Variants in LRRC4C observed in about 807,000 individuals in gnomAD.
LRRC4C encodes leucine-rich repeat-containing protein 4C.
LRRC4C carries 5 observed loss-of-function variants against 33.6 expected under a neutral mutation model. The ratio of observed to expected loss-of-function variants is 0.15; its 90% CI spans 0.08 to 0.31. The LOEUF (loss-of-function observed/expected upper bound fraction) is 0.31. LRRC4C is among the 10% of genes least tolerant of loss of function. The probability of loss-of-function intolerance (pLI) is 1.00; values close to 1 mark genes in which losing one functional copy is unlikely to be tolerated. For synonymous variants in LRRC4C, 329 were observed against 302.0 expected (o/e 1.09, Z -0.93); for missense variants, 560 against 796.7 (o/e 0.70, Z 3.58).
chr11:40,196,445 C>T (rs142159965), intron 5 of LRRC4C, among the ~76,000 whole-genome samples: 96 of 152,312 alleles, frequency 6.3e-4, no homozygotes, highest in African/African-American at 2.3e-3. Context: ...GCAAGTCTGC[C>T]CATGACTTGA....
At chr11:41,445,794 C>CT (rs1037433866) in intron 1 of LRRC4C, among the ~76,000 whole-genome samples, 2 of 151,218 alleles carry the variant, frequency 1.3e-5, no homozygotes, top group Admixed American at 6.6e-5. Flanking sequence ...AAAAAAAGAA[C>CT]TTTTTTTCTT....
At chr11:40,543,446 C>A (rs1565489699) in intron 3 of LRRC4C, among the ~76,000 whole-genome samples, 1 of 151,980 alleles carries the variant, frequency 6.6e-6, no homozygotes, top group Non-Finnish European at 1.5e-5. Context: ...TATTATAATT[C>A]TTGTGTTTGC....
intron 3 of LRRC4C, among the ~76,000 whole-genome samples, chr11:40,436,705 C>T (rs532995341): frequency 1.2e-4 from 19 of 152,258 alleles, no homozygotes; most frequent in African/African-American, 3.6e-4. Flanking sequence ...CTGCCAGAAG[C>T]GGCCCGAAAC....
chr11:40,775,048 C>T (rs1291267603), intron 2 of LRRC4C, among the ~76,000 whole-genome samples: 1 of 150,716 alleles, frequency 6.6e-6, no homozygotes, highest in African/African-American at 2.4e-5. Flanking sequence ...AATAAAAAAT[C>T]CAGTTTCATT....
intron 1 of LRRC4C, among the ~76,000 whole-genome samples, chr11:41,391,270 G>GA (rs534235908): frequency 1.1e-3 from 167 of 151,802 alleles, no homozygotes; most frequent in African/African-American, 3.9e-3. Context: ...AACTCAAGAA[G>GA]AAAAAAATAG....
At chr11:40,321,372 T>C (rs374514916) in intron 3 of LRRC4C, among the ~76,000 whole-genome samples, 19 of 152,318 alleles carry the variant, frequency 1.2e-4, no homozygotes, top group African/African-American at 3.8e-4. Context: ...GCTACTATTA[T>C]TAGAATAAAA....
intron 2 of LRRC4C, among the ~76,000 whole-genome samples, chr11:40,684,897 A>T (rs1009278564): frequency 1.3e-5 from 2 of 152,046 alleles, no homozygotes; most frequent in African/African-American, 4.8e-5. Context: ...ACAAAGTTAG[A>T]TAATTTGTAA....
chr11:40,523,690 C>T (rs1220967168), intron 3 of LRRC4C, among the ~76,000 whole-genome samples: 2 of 151,660 alleles, frequency 1.3e-5, no homozygotes. Flanking sequence ...CTTCACTCTC[C>T]AATGGGAAAA....
rs377611950 is a variant in LRRC4C, at chr11:40,125,899, AT to A, written c.-42-9566del. ...CCTAATATAGATCATTTATTTTCCCATTTTTAACCCAATCTTGCAAATCTTG... is the reference window on the plus strand; with the variant it reads ...CCTAATATAGATCATTTATTTTCCCATTTTAACCCAATCTTGCAAATCTTG... On this transcript the variant is annotated intron_variant, in intron 6 of 6. Coordinates refer to ENST00000528697, the MANE Select transcript of LRRC4C (RefSeq NM_001258419.2). 5.8e-4 allele frequency among the ~76,000 whole-genome samples: 88 copies of A among 152,276 alleles called. 3 individuals are homozygous for A. In the South Asian group the frequency reaches 0.017, roughly 29 times the overall value.
At chr11:41,119,297 G>GA (rs940166611) in intron 1 of LRRC4C, among the ~76,000 whole-genome samples, 1 of 151,960 alleles carries the variant, frequency 6.6e-6, no homozygotes, top group African/African-American at 2.4e-5. Flanking sequence ...TTTTCAGAGA[G>GA]AAAAAAGGGG....
chr11:40,243,666 A>C (rs1901584), intron 4 of LRRC4C, among the ~76,000 whole-genome samples: 110,063 of 147,506 alleles, frequency 0.75, 44,979 homozygotes, highest in East Asian at 0.95. Flanking sequence ...CATTTCCTAG[A>C]CATACGGAAA....
intron 2 of LRRC4C, among the ~76,000 whole-genome samples, chr11:40,853,509 G>A (rs1171811886): frequency 6.6e-6 from 1 of 150,860 alleles, no homozygotes; most frequent in African/African-American, 2.4e-5. Context: ...TCAGGTTTTG[G>A]TTTATGCAAA....
intron 1 of LRRC4C, among the ~76,000 whole-genome samples, chr11:40,959,074 G>T (rs1565243121): frequency 6.6e-6 from 1 of 151,592 alleles, no homozygotes; most frequent in African/African-American, 2.4e-5. Flanking sequence ...TCACTAAGAA[G>T]CTTTGAAAAT....
intron 1 of LRRC4C, among the ~76,000 whole-genome samples, chr11:41,113,718 C>T (rs989849408): frequency 2.6e-5 from 4 of 152,028 alleles, no homozygotes; most frequent in Admixed American, 6.6e-5. Flanking sequence ...GACTACTCTC[C>T]CTTTAATCAT....
chr11:40,849,101 C>T (rs1272835607), intron 2 of LRRC4C, among the ~76,000 whole-genome samples: 2 of 152,150 alleles, frequency 1.3e-5, no homozygotes, highest in Non-Finnish European at 2.9e-5. Context: ...TCCAATTTGC[C>T]AGTCTGTGCC....
intron 1 of LRRC4C, among the ~76,000 whole-genome samples, chr11:41,034,985 T>A (rs60879453): frequency 0.21 from 31,540 of 150,322 alleles, 3,796 homozygotes; most frequent in African/African-American, 0.32. Flanking sequence ...TGTTATTTTG[T>A]TTTTATTTTT....
chr11:40,933,359 A>G lies in LRRC4C; in HGVS notation c.-407+276T>C, dbSNP rs571689687. Among the ~76,000 whole-genome samples, 31 of 152,374 alleles carry G rather than the reference A, an allele frequency of 2.0e-4. No homozygotes were observed. The South Asian group carries it at 6.4e-3, about 32-fold the overall frequency. The stretch of plus-strand genomic sequence containing the variant: ...ACACTCACCAGTGAGAGCCTGGCCC[A>G]TGCCATGTATCCAGCAATTGACCAT... On this transcript the variant is annotated intron_variant, in intron 2 of 6. Coordinates refer to ENST00000528697, the MANE Select transcript of LRRC4C (RefSeq NM_001258419.2).
At chr11:40,476,498 A>G (rs760425202) in intron 3 of LRRC4C, among the ~76,000 whole-genome samples, 8 of 151,604 alleles carry the variant, frequency 5.3e-5, no homozygotes, top group Non-Finnish European at 8.8e-5. Flanking sequence ...GGCACATGCC[A>G]CCATGTCTGG....
Position 40,933,051 on chromosome 11 carries a change from G to C in LRRC4C, c.-407+584C>G, listed in dbSNP as rs993729068. 2.6e-5 allele frequency among the ~76,000 whole-genome samples: 4 copies of C among 152,212 alleles called. No homozygotes were observed. In the East Asian group the frequency reaches 7.7e-4, roughly 29 times the overall value. On this transcript the variant is annotated intron_variant, in intron 2 of 6. Coordinates refer to ENST00000528697, the MANE Select transcript of LRRC4C (RefSeq NM_001258419.2). Reference sequence around the variant, plus strand: ...TCATAGAGAGCTAGAGGGTTGGAGAGAACTCAGTGACTGACTTTGGATTCT... The same window carrying C: ...TCATAGAGAGCTAGAGGGTTGGAGACAACTCAGTGACTGACTTTGGATTCT...
Sources: allele counts gnomAD v4.1 joint callset (sites outside exome capture counted in the v4.1 genomes callset), GRCh38; gene constraint gnomAD v4.1.1; transcripts MANE v1.5; gene names NCBI Gene and HGNC (gene_info 2026-07-23, HGNC 2026-07-21).